Variants in MYH11 observed in about 807,000 individuals in gnomAD.
MYH11 encodes the protein myosin-11.
In MYH11, 80 loss-of-function variants were observed where a neutral mutation model predicts 246.6. The ratio of observed to expected loss-of-function variants is 0.32; its 90% CI spans 0.27 to 0.39. The LOEUF (loss-of-function observed/expected upper bound fraction) is 0.39, where lower values mean the gene tolerates loss of function less well. Ranked by LOEUF, MYH11 falls within the 10% of genes least tolerant of loss-of-function variation. The pLI, the probability that MYH11 is intolerant of heterozygous loss-of-function variation, is 1.00. For missense variants in MYH11, 2,158 were observed against 2,546.8 expected, an observed-to-expected ratio of 0.85 and a Z score of 3.29; for synonymous variants, 1,071 against 1,015.5, an observed-to-expected ratio of 1.05 and a Z score of -1.04.
chr16:15,804,451 G>A (rs546064060), intron 3 of MYH11, among the ~76,000 whole-genome samples: 6 of 152,258 alleles, frequency 3.9e-5, no homozygotes, highest in Non-Finnish European at 8.8e-5. Context: ...GAACCAGGGA[G>A]GTGGAGTTTG....
chr16:15,751,022 C>A (rs996221284), intron 15 of MYH11, among the ~76,000 whole-genome samples: 1 of 151,906 alleles, frequency 6.6e-6, no homozygotes, highest in Non-Finnish European at 1.5e-5. Flanking sequence ...AGTGGGTAAC[C>A]ATGTAGGTAT....
chr16:15,798,819 G>A, intron 3 of MYH11, 132 bp from the exon 4 acceptor site: 1 of 994,806 alleles, frequency 1.0e-6, no homozygotes, highest in Non-Finnish European at 1.5e-6. Context: ...GTGACAACAG[G>A]TCAGCTGGGC....
At chr16:15,787,973 T>C (rs1467807444) in intron 4 of MYH11, among the ~76,000 whole-genome samples, 2 of 151,840 alleles carry the variant, frequency 1.3e-5, no homozygotes, top group Admixed American at 6.6e-5. Flanking sequence ...ATAAACCCAG[T>C]TGAAGTAATT....
chr16:15,717,200 G>GTGGACT lies in MYH11; in HGVS notation c.5438_5443dup (p.Lys1813_Ser1814dup), dbSNP rs1567687613. ...AATCTTGGCCTCCAGCGCCGCGATG[G>GTGGACT]TGGACTTGAACTTGGACTTGACGGC... On this transcript the variant is annotated inframe_insertion, in exon 38 of 41. Transcript: ENST00000300036. 1 of 1,614,206 alleles carries GTGGACT rather than the reference G, an allele frequency of 6.2e-7. No homozygotes were observed. Among genetic ancestry groups the GTGGACT allele is most frequent in the South Asian group, 1.1e-5 (1 of 91,088 alleles).
At chr16:15,827,818 C>G (rs7191126) in intron 2 of MYH11, among the ~76,000 whole-genome samples, 13 of 152,176 alleles carry the variant, frequency 8.5e-5, no homozygotes, top group African/African-American at 3.1e-4. Context: ...GTGGACTACA[C>G]TGAGCCAGGC....
intron 2 of MYH11, among the ~76,000 whole-genome samples, chr16:15,828,800 A>G (rs557704746): frequency 7.9e-6 from 1 of 126,408 alleles, no homozygotes; most frequent in Admixed American, 7.4e-5. Flanking sequence ...AAAAAAAAAA[A>G]AAAGAAGGAA....
intron 14 of MYH11, among the ~76,000 whole-genome samples, chr16:15,754,414 G>A (rs1227309986): frequency 6.6e-6 from 1 of 152,148 alleles, no homozygotes; most frequent in Non-Finnish European, 1.5e-5. Context: ...GAAAGGAACT[G>A]ATAATACAGC....
chr16:15,819,463 T>C (rs2043346995), intron 3 of MYH11, among the ~76,000 whole-genome samples: 1 of 152,154 alleles, frequency 6.6e-6, no homozygotes, highest in South Asian at 2.1e-4. Context: ...CTCTGCTTCC[T>C]CTCAGATCAG....
intron 2 of MYH11, among the ~76,000 whole-genome samples, chr16:15,831,625 C>T (rs1194002333): frequency 6.6e-6 from 1 of 152,060 alleles, no homozygotes; most frequent in Non-Finnish European, 1.5e-5. Context: ...GGAGGAGGTT[C>T]TTTGAAGCAA....
intron 40 of MYH11, 109 bp downstream of exon 40, chr16:15,714,800 A>C: frequency 7.6e-7 from 1 of 1,316,720 alleles, no homozygotes; most frequent in Non-Finnish European, 1.1e-6. Flanking sequence ...CACAGAAGGG[A>C]GTGGCGGCTG....
chr16:15,835,496 A>G (rs1342066330), intron 2 of MYH11, among the ~76,000 whole-genome samples: 1 of 152,214 alleles, frequency 6.6e-6, no homozygotes, highest in Non-Finnish European at 1.5e-5. Flanking sequence ...AATGTGCAGG[A>G]CATTTTTAGA....
chr16:15,737,349 G>A, intron 25 of MYH11, 100 bp downstream of exon 25: 1 of 1,525,520 alleles, frequency 6.6e-7, no homozygotes, highest in South Asian at 1.1e-5. Context: ...CCAAGGGCCT[G>A]GGGCCGCCTT....
intron 1 of MYH11, among the ~76,000 whole-genome samples, chr16:15,845,261 C>G (rs2044155256): frequency 1.3e-5 from 2 of 151,256 alleles, no homozygotes; most frequent in South Asian, 4.2e-4. Flanking sequence ...GATACAAATT[C>G]ATAAACTTTC....
chr16:15,769,564 G>T (rs900686686), intron 9 of MYH11, among the ~76,000 whole-genome samples: 3 of 152,164 alleles, frequency 2.0e-5, no homozygotes, highest in African/African-American at 7.2e-5. Flanking sequence ...AAGTAGCTGG[G>T]ACTACAGTGT....
At chr16:15,720,341 C>G in intron 33 of MYH11, 29 bp from the exon 34 acceptor site, 1 of 1,606,690 alleles carries the variant, frequency 6.2e-7, no homozygotes, top group Non-Finnish European at 8.5e-7. Flanking sequence ...TGTGTGCTGC[C>G]CCACTTGCCC....
At chr16:15,842,489 C>T (rs979151207) in intron 1 of MYH11, among the ~76,000 whole-genome samples, 8 of 151,896 alleles carry the variant, frequency 5.3e-5, no homozygotes, top group East Asian at 3.9e-4. Context: ...CGGCTAGGTG[C>T]GGTGGCTCAC....
chr16:15,853,730 G>A (rs1176567346), intron 1 of MYH11, among the ~76,000 whole-genome samples: 1 of 152,142 alleles, frequency 6.6e-6, no homozygotes, highest in Non-Finnish European at 1.5e-5. Context: ...ATGCCATCAA[G>A]ACCCTAAATA....
chr16:15,782,673 A>G lies in MYH11; in HGVS notation c.634-196T>C, dbSNP rs1054822414. 6 of 588,808 alleles carry G rather than the reference A, an allele frequency of 1.0e-5. 1 individual carries two copies. In the Admixed American group the frequency reaches 1.7e-4, roughly 16 times the overall value. 36.5% of individuals were successfully genotyped at this position (588,808 alleles called of 1,614,324 possible). On this transcript the variant is annotated intron_variant, in intron 5 of 40. Transcript: ENST00000300036. ...GAGAAGCAACTGTCTGAGCTCTCTA[A>G]TAGCTAGGACATCTGCTCCCTAGGA...
At chr16:15,742,490 C>T (rs916427817) in intron 20 of MYH11, among the ~76,000 whole-genome samples, 2 of 151,998 alleles carry the variant, frequency 1.3e-5, no homozygotes, top group Non-Finnish European at 2.9e-5. Context: ...GCCTGTAATC[C>T]CAGCATTTTG....
Sources: allele counts gnomAD v4.1 joint callset (sites outside exome capture counted in the v4.1 genomes callset), GRCh38; gene constraint gnomAD v4.1.1; transcripts MANE v1.5; gene names NCBI Gene and HGNC (gene_info 2026-07-23, HGNC 2026-07-21).